ROBO1: variants seen among roughly 807,000 people sequenced by gnomAD.
ROBO1 encodes the protein roundabout guidance receptor 1.
In ROBO1, 149 loss-of-function variants were observed where a neutral mutation model predicts 195.9. The observed-to-expected ratio is 0.76, with a 90% confidence interval of 0.67 to 0.87. The LOEUF (loss-of-function observed/expected upper bound fraction) is 0.87. Ranked by LOEUF, ROBO1 falls within the 40% of genes least tolerant of loss-of-function variation. ROBO1 has a pLI of 0.00. For missense variants in ROBO1, 1,933 were observed against 2,068.3 expected, an observed-to-expected ratio of 0.93 and a Z score of 1.27; for synonymous variants, 816 against 733.2, an observed-to-expected ratio of 1.11 and a Z score of -1.82.
intron 28 of ROBO1, among the ~76,000 whole-genome samples, chr3:78,611,486 T>G (rs1249298416): frequency 1.3e-5 from 2 of 152,286 alleles, no homozygotes; most frequent in East Asian, 3.9e-4. Flanking sequence ...GGGTTCAACT[T>G]GTAAGAGGCA....
At chr3:79,245,448 T>G (rs1185146856) in intron 2 of ROBO1, among the ~76,000 whole-genome samples, 2 of 152,056 alleles carry the variant, frequency 1.3e-5, no homozygotes, top group African/African-American at 2.4e-5. Context: ...TTCATCCACT[T>G]GAGTATTGGA....
At chr3:79,137,432 T>C (rs887974753) in intron 2 of ROBO1, among the ~76,000 whole-genome samples, 2 of 9,730 alleles carry the variant, frequency 2.1e-4, no homozygotes, top group East Asian at 4.5e-3. Flanking sequence ...ATGTTACTGT[T>C]TTTTTTCTCA....
intron 2 of ROBO1, among the ~76,000 whole-genome samples, chr3:79,519,383 C>T (rs1941097827): frequency 6.6e-6 from 1 of 151,984 alleles, no homozygotes; most frequent in South Asian, 2.1e-4. Flanking sequence ...GTAATCCCAA[C>T]ACTTTGGGAG....
intron 28 of ROBO1, among the ~76,000 whole-genome samples, chr3:78,610,444 A>G (rs995118152): frequency 2.0e-5 from 3 of 152,170 alleles, no homozygotes; most frequent in Non-Finnish European, 4.4e-5. Flanking sequence ...AGGGGAAAAA[A>G]GTCTAATTCA....
At chr3:78,688,841 T>G in intron 8 of ROBO1, 69 bp from the exon 9 acceptor site, 2 of 1,452,862 alleles carry the variant, frequency 1.4e-6, no homozygotes, top group Non-Finnish European at 1.9e-6. Context: ...AGACAATCTC[T>G]TATATTCTAA....
intron 3 of ROBO1, among the ~76,000 whole-genome samples, chr3:78,943,242 T>C (rs763103964): frequency 1.3e-5 from 2 of 152,014 alleles, no homozygotes; most frequent in Non-Finnish European, 2.9e-5. Flanking sequence ...GGTTTTTGTT[T>C]TGTTTTGTTT....
At chr3:78,729,995 A>G (rs2082251319) in intron 5 of ROBO1, among the ~76,000 whole-genome samples, 1 of 152,176 alleles carries the variant, frequency 6.6e-6, no homozygotes, top group African/African-American at 2.4e-5. Flanking sequence ...CACCTCTTCC[A>G]ACCATCTGGC....
intron 3 of ROBO1, among the ~76,000 whole-genome samples, chr3:79,095,826 T>G (rs930276694): frequency 6.6e-6 from 1 of 152,064 alleles, no homozygotes. Context: ...CCACATTTTT[T>G]CACTTTATGT....
intron 3 of ROBO1, among the ~76,000 whole-genome samples, chr3:79,100,708 G>A (rs1276771108): frequency 6.6e-6 from 1 of 151,802 alleles, no homozygotes; most frequent in Non-Finnish European, 1.5e-5. Flanking sequence ...TCAGGGGATT[G>A]TGGGCTTTTG....
At chr3:79,370,848 CCT>C (rs1176391960) in intron 2 of ROBO1, among the ~76,000 whole-genome samples, 1 of 151,946 alleles carries the variant, frequency 6.6e-6, no homozygotes, top group African/African-American at 2.4e-5. Flanking sequence ...CCCCCCACCC[CCT>C]GACTGGTCCC....
rs113225690 is a variant in ROBO1 at position 79,150,758 on chromosome 3, G to A, written c.89-25219C>T. The stretch of plus-strand genomic sequence containing the variant: ...TTTACTATATGCATTTTTATGCATA[G>A]TGTCTCAAGTTTACATGTCCATAAA... On this transcript the variant is annotated intron_variant, in intron 2 of 30. Coordinates refer to ENST00000464233, the MANE Select transcript of ROBO1 (RefSeq NM_002941.4). Among the ~76,000 whole-genome samples the A allele has an allele frequency of 8.5e-4, 129 of 151,852 alleles. 1 individual carries two copies. Among genetic ancestry groups the A allele is most frequent in the African/African-American group, 2.9e-3 (122 of 41,478 alleles).
intron 3 of ROBO1, among the ~76,000 whole-genome samples, chr3:79,071,199 T>C (rs1195276798): frequency 6.6e-6 from 1 of 151,864 alleles, no homozygotes; most frequent in Non-Finnish European, 1.5e-5. Flanking sequence ...TTATTTCTGA[T>C]ATGCCCATTA....
At chr3:79,212,829 AAAATAAAAT>A (rs1276786962) in intron 2 of ROBO1, among the ~76,000 whole-genome samples, 1 of 148,232 alleles carries the variant, frequency 6.7e-6, no homozygotes, top group East Asian at 1.9e-4. Flanking sequence ...CAGAAAAAAT[AAAATAAAAT>A]AAATAAAATA....
intron 2 of ROBO1, among the ~76,000 whole-genome samples, chr3:79,463,030 G>A (rs1028950180): frequency 6.6e-6 from 1 of 152,028 alleles, no homozygotes; most frequent in African/African-American, 2.4e-5. Context: ...AAACTATTTC[G>A]GAATTTTCTT....
chr3:79,129,294 T>A (rs2080278362), intron 2 of ROBO1, among the ~76,000 whole-genome samples: 1 of 152,126 alleles, frequency 6.6e-6, no homozygotes, highest in Non-Finnish European at 1.5e-5. Context: ...ATCTATAGGC[T>A]TATGGTTTAT....
At chr3:79,273,351 T>TA (rs1157062699) in intron 2 of ROBO1, among the ~76,000 whole-genome samples, 1 of 151,990 alleles carries the variant, frequency 6.6e-6, no homozygotes, top group Non-Finnish European at 1.5e-5. Flanking sequence ...AACAAAAAGT[T>TA]AAAAAACAAG....
At chr3:78,816,168 T>G (rs2084897712) in intron 4 of ROBO1, among the ~76,000 whole-genome samples, 1 of 152,178 alleles carries the variant, frequency 6.6e-6, no homozygotes, top group Non-Finnish European at 1.5e-5. Context: ...CAATGTTCAT[T>G]TACCATTAAT....
At chr3:78,869,174 C>T (rs2035381099) in intron 4 of ROBO1, among the ~76,000 whole-genome samples, 2 of 152,006 alleles carry the variant, frequency 1.3e-5, no homozygotes, top group Non-Finnish European at 2.9e-5. Context: ...AAATTTTTAT[C>T]ACCGTTATAA....
intron 3 of ROBO1, among the ~76,000 whole-genome samples, chr3:79,047,157 T>G (rs1337851216): frequency 6.6e-6 from 1 of 152,054 alleles, no homozygotes; most frequent in Non-Finnish European, 1.5e-5. Context: ...GGTGAGAGCC[T>G]GTAATTGAAA....
Sources: allele counts gnomAD v4.1 joint callset (sites outside exome capture counted in the v4.1 genomes callset), GRCh38; gene constraint gnomAD v4.1.1; transcripts MANE v1.5; gene names NCBI Gene and HGNC (gene_info 2026-07-23, HGNC 2026-07-21).